The following SLX4IP variants were observed in gnomAD, a reference collection of about 807,000 sequenced individuals.
SLX4IP encodes the protein SLX4 interacting protein, also known as protein SLX4IP.
In SLX4IP, 34 loss-of-function variants were observed where a neutral mutation model predicts 32.9. The observed-to-expected ratio is 1.03, with a 90% confidence interval of 0.79 to 1.38. The LOEUF (loss-of-function observed/expected upper bound fraction) is 1.38, where lower values mean the gene tolerates loss of function less well. Ranked by LOEUF, SLX4IP falls within the 40% of genes most tolerant of loss-of-function variation. The pLI, the probability that SLX4IP is intolerant of heterozygous loss-of-function variation, is 0.00. For missense variants in SLX4IP, 444 were observed against 479.0 expected, an observed-to-expected ratio of 0.93 and a Z score of 0.68; for synonymous variants, 172 against 171.7, an observed-to-expected ratio of 1.00 and a Z score of -0.01.
chr20:10,517,501 C>T (rs621207), intron 2 of SLX4IP, among the ~76,000 whole-genome samples: 90,725 of 152,032 alleles, frequency 0.6, 27,423 homozygotes, highest in South Asian at 0.75. Context: ...TTTAGGGAGA[C>T]GGACATATGT....
intron 2 of SLX4IP, among the ~76,000 whole-genome samples, chr20:10,510,017 G>A (rs1399072192): frequency 1.3e-5 from 2 of 152,266 alleles, no homozygotes; most frequent in South Asian, 2.1e-4. Flanking sequence ...AGAATATTAT[G>A]CAGCTATTAA....
intron 2 of SLX4IP, among the ~76,000 whole-genome samples, chr20:10,520,252 G>A (rs369489473): frequency 5.9e-5 from 9 of 151,836 alleles, no homozygotes; most frequent in Admixed American, 2.0e-4. Context: ...GGGTTTCACC[G>A]TGTTAGCCAG....
chr20:10,547,199 C>T (rs1410842288), intron 2 of SLX4IP, among the ~76,000 whole-genome samples: 1 of 152,188 alleles, frequency 6.6e-6, no homozygotes. Flanking sequence ...ACATCACAGC[C>T]TCTTATTTGA....
In SLX4IP at chr20:10,624,093, G is replaced by A. The variant is rs1300482268; in HGVS notation, c.*714G>A. The A allele has an allele frequency of 2.6e-5, 4 of 152,214 alleles. No homozygotes were observed. The allele number at this position is 152,214 out of a possible 1,614,324, so 9.4% of individuals were successfully genotyped here. A position where few individuals can be genotyped will look rare whatever the true frequency, so the allele number is the denominator to read the frequency against. On this transcript the variant is annotated 3_prime_UTR_variant, in exon 8 of 8. Coordinates refer to ENST00000334534, the MANE Select transcript of SLX4IP (RefSeq NM_001009608.3). Reference sequence around the variant, plus strand: ...CTCCCTCAAACTCGTAAAACACTTGGGTTTGGTGTATGGGTCACTCTCTTC... The same window carrying A: ...CTCCCTCAAACTCGTAAAACACTTGAGTTTGGTGTATGGGTCACTCTCTTC...
intron 4 of SLX4IP, among the ~76,000 whole-genome samples, chr20:10,586,359 C>G (rs948191613): frequency 4.6e-5 from 7 of 152,124 alleles, no homozygotes; most frequent in Admixed American, 6.5e-5. Flanking sequence ...AAAGAAATTA[C>G]TTGATTGGTT....
chr20:10,578,967 TA>T (rs1487366358), intron 4 of SLX4IP, among the ~76,000 whole-genome samples: 5 of 152,230 alleles, frequency 3.3e-5, no homozygotes, highest in African/African-American at 1.2e-4. Context: ...ATTCTAGATA[TA>T]AGTCCCTTAT....
chr20:10,516,286 G>A (rs1048385298), intron 2 of SLX4IP, among the ~76,000 whole-genome samples: 1 of 152,208 alleles, frequency 6.6e-6, no homozygotes, highest in African/African-American at 2.4e-5. Flanking sequence ...ATGCTAGCAA[G>A]TTTTTATTCT....
intron 1 of SLX4IP, among the ~76,000 whole-genome samples, chr20:10,438,557 A>C (rs1600871448): frequency 2.1e-5 from 3 of 145,996 alleles, no homozygotes; most frequent in Admixed American, 7.1e-5. Context: ...GGCTCACTGC[A>C]ACCTCCGCCT....
intron 1 of SLX4IP, among the ~76,000 whole-genome samples, chr20:10,456,368 GT>G (rs2065285437): frequency 6.6e-6 from 1 of 152,148 alleles, no homozygotes; most frequent in Non-Finnish European, 1.5e-5. Context: ...TTCAGACGGA[GT>G]CTTGCTCTGT....
intron 2 of SLX4IP, among the ~76,000 whole-genome samples, chr20:10,543,899 G>T (rs2066136261): frequency 6.6e-6 from 1 of 152,200 alleles, no homozygotes; most frequent in Non-Finnish European, 1.5e-5. Flanking sequence ...TGTCAAAGAA[G>T]AAAATGAGGT....
chr20:10,569,657 G>A lies in SLX4IP; in HGVS notation c.238+8837G>A, dbSNP rs6040029. Among the ~76,000 whole-genome samples the A allele has an allele frequency of 9.6e-4, 146 of 151,898 alleles. 1 individual carries two copies. Among genetic ancestry groups the A allele is most frequent in the African/African-American group, 3.4e-3 (142 of 41,422 alleles). On this transcript the variant is annotated intron_variant, in intron 4 of 7. Transcript: ENST00000334534. ...CTTGTTGATGGCTGTCTCCTCCCTC[G>A]TCTTCACATGAGTTTTCCTCTGTAA...
intron 2 of SLX4IP, 38 bp downstream of exon 2, chr20:10,458,269 T>C: frequency 4.6e-6 from 7 of 1,530,668 alleles, no homozygotes; most frequent in Non-Finnish European, 6.2e-6. Flanking sequence ...AAGAGGCTAA[T>C]CACTTTCTAA....
chr20:10,474,031 C>T (rs900022422), intron 2 of SLX4IP, among the ~76,000 whole-genome samples: 1 of 152,134 alleles, frequency 6.6e-6, no homozygotes, highest in Non-Finnish European at 1.5e-5. Flanking sequence ...CCATGTTGGC[C>T]AGACTGGTCT....
intron 6 of SLX4IP, among the ~76,000 whole-genome samples, chr20:10,610,717 C>T (rs769111710): frequency 1.1e-4 from 16 of 152,226 alleles, no homozygotes; most frequent in Non-Finnish European, 2.2e-4. Flanking sequence ...GGAATTCATG[C>T]GATGCCACTT....
chr20:10,543,923 T>C (rs1310130594), intron 2 of SLX4IP, among the ~76,000 whole-genome samples: 1 of 152,216 alleles, frequency 6.6e-6, no homozygotes, highest in African/African-American at 2.4e-5. Flanking sequence ...TTTTTCATAA[T>C]TGGGGTTTTC....
intron 2 of SLX4IP, among the ~76,000 whole-genome samples, chr20:10,504,299 G>C (rs1360810176): frequency 6.6e-6 from 1 of 152,166 alleles, no homozygotes; most frequent in African/African-American, 2.4e-5. Flanking sequence ...AGAGTGGACA[G>C]ATTAATTGTG....
intron 2 of SLX4IP, among the ~76,000 whole-genome samples, chr20:10,482,590 A>G (rs2065533022): frequency 6.6e-6 from 1 of 152,136 alleles, no homozygotes. Flanking sequence ...AGGTTGTACT[A>G]GAGGTACTGT....
chr20:10,530,179 C>T (rs572610696), intron 2 of SLX4IP, among the ~76,000 whole-genome samples: 6 of 152,286 alleles, frequency 3.9e-5, no homozygotes, highest in Middle Eastern at 3.4e-3. Flanking sequence ...CAGAGTAAGG[C>T]GGTGCAGTCT....
intron 4 of SLX4IP, among the ~76,000 whole-genome samples, chr20:10,573,576 C>T (rs1351544487): frequency 6.6e-6 from 1 of 152,220 alleles, no homozygotes; most frequent in African/African-American, 2.4e-5. Flanking sequence ...TCTCTGACTT[C>T]CACAGCAGAC....
Sources: allele counts gnomAD v4.1 joint callset (sites outside exome capture counted in the v4.1 genomes callset), GRCh38; gene constraint gnomAD v4.1.1; transcripts MANE v1.5; gene names NCBI Gene and HGNC (gene_info 2026-07-23, HGNC 2026-07-21).